The following RGS7 variants were observed in gnomAD, a reference collection of about 807,000 sequenced individuals.
RGS7 encodes regulator of G protein signaling 7.
A neutral mutation model predicts 81.1 loss-of-function variants in RGS7; 27 were observed. That is an observed-to-expected ratio of 0.33 (90% CI 0.25 to 0.46). The LOEUF is 0.46. Ranked by LOEUF, RGS7 falls within the 20% of genes least tolerant of loss-of-function variation. The pLI is 1.00. For synonymous variants in RGS7, 208 were observed against 207.7 expected, an observed-to-expected ratio of 1.00 and a Z score of -0.01; for missense variants, 396 against 607.4, an observed-to-expected ratio of 0.65 and a Z score of 3.66.
At chr1:240,958,348 G>A (rs1037504324) in intron 4 of RGS7, among the ~76,000 whole-genome samples, 2 of 152,188 alleles carry the variant, frequency 1.3e-5, no homozygotes, top group African/African-American at 4.8e-5. Context: ...TTGTTCTTTA[G>A]GAGATCATTC....
intron 10 of RGS7, 48 bp from the exon 11 acceptor site, chr1:240,816,463 A>T: frequency 8.3e-7 from 1 of 1,209,024 alleles, no homozygotes; most frequent in Non-Finnish European, 1.2e-6. Flanking sequence ...TACCGTTTAC[A>T]GTCACAGACT....
chr1:240,940,307 A>C (rs1034817796), intron 4 of RGS7, among the ~76,000 whole-genome samples: 2 of 152,150 alleles, frequency 1.3e-5, no homozygotes, highest in African/African-American at 4.8e-5. Flanking sequence ...ACTCTTGTGA[A>C]GATCCCCATG....
At chr1:241,191,322 GTATT>G (rs1423833471) in intron 2 of RGS7, among the ~76,000 whole-genome samples, 12 of 152,116 alleles carry the variant, frequency 7.9e-5, no homozygotes, top group Admixed American at 7.2e-4. Context: ...TCATAAATGA[GTATT>G]TAATTTTTTT....
chr1:241,239,498 CT>C (rs1360596510), intron 2 of RGS7, among the ~76,000 whole-genome samples: 1 of 152,156 alleles, frequency 6.6e-6, no homozygotes, highest in East Asian at 1.9e-4. Context: ...AAAGTCCAAA[CT>C]TTTTAGCCGT....
At chr1:241,252,453 G>A (rs1638818329) in intron 2 of RGS7, among the ~76,000 whole-genome samples, 2 of 152,310 alleles carry the variant, frequency 1.3e-5, no homozygotes, top group South Asian at 4.1e-4. Flanking sequence ...TTGCCCCTGA[G>A]CTGACACCCT....
At chr1:241,181,176 C>T (rs2071584363) in intron 2 of RGS7, among the ~76,000 whole-genome samples, 1 of 152,104 alleles carries the variant, frequency 6.6e-6, no homozygotes, top group African/African-American at 2.4e-5. Flanking sequence ...TGTACAACAC[C>T]AAGAGGGAAC....
intron 2 of RGS7, among the ~76,000 whole-genome samples, chr1:241,181,376 A>C (rs2071604842): frequency 6.6e-6 from 1 of 152,220 alleles, no homozygotes; most frequent in Admixed American, 6.5e-5. Flanking sequence ...TGCTCTAAAA[A>C]ATAAAATACA....
intron 3 of RGS7, among the ~76,000 whole-genome samples, chr1:241,047,032 GT>G (rs1212749137): frequency 9.9e-5 from 15 of 152,118 alleles, no homozygotes. Flanking sequence ...TGAACCCCAA[GT>G]CTGAGAGATC....
At chr1:240,822,922 C>T in intron 10 of RGS7, 1 of 431,402 alleles carries the variant, frequency 2.3e-6, no homozygotes, top group Non-Finnish European at 4.3e-6. Flanking sequence ...GTAATAAACA[C>T]CGAAATACTA....
intron 9 of RGS7, among the ~76,000 whole-genome samples, chr1:240,830,157 A>G (rs1417010825): frequency 6.6e-6 from 1 of 152,200 alleles, no homozygotes; most frequent in Non-Finnish European, 1.5e-5. Context: ...AGCAAGAAAG[A>G]TGAGCTTAAG....
At chr1:241,229,057 A>C (rs2075491081) in intron 2 of RGS7, among the ~76,000 whole-genome samples, 1 of 109,306 alleles carries the variant, frequency 9.1e-6, no homozygotes, top group Admixed American at 9.4e-5. Context: ...CAAAATAAAA[A>C]ATTAAAAAAA....
At chr1:241,292,604 A>G (rs118033175) in intron 2 of RGS7, among the ~76,000 whole-genome samples, 1 of 152,350 alleles carries the variant, frequency 6.6e-6, no homozygotes, top group East Asian at 1.9e-4. Flanking sequence ...AGAAGAGTAC[A>G]GAACACAGAG....
rs142710990 is a variant in RGS7, at chr1:240,811,992, C to T, written c.1008G>A (p.Glu336=). 8 of 1,613,958 alleles carry T rather than the reference C, an allele frequency of 5.0e-6. No individual in the cohort carries two copies. The highest frequency in any genetic ancestry group is 1.7e-5 in the Admixed American group (1 of 59,994). Residue 336 remains glutamate (E), a synonymous_variant, in exon 14 of 19, where the codon GAG becomes GAA. Coordinates refer to ENST00000440928, the MANE Select transcript of RGS7 (RefSeq NM_001364886.1). ...CTCTCCCAACTGGGTCTTTCAATGC[C>T]TCGTCCATGCCAAAACCCCATCGTT... is the stretch of plus-strand genomic sequence containing the variant. ...RVKRWGFGMD[E]ALKDPVGREQ...
intron 2 of RGS7, among the ~76,000 whole-genome samples, chr1:241,174,899 T>G (rs1021489956): frequency 3.2e-5 from 3 of 93,990 alleles, no homozygotes; most frequent in East Asian, 5.6e-4. Context: ...AATTTTGTTT[T>G]TTTTTTTTTT....
At chr1:241,071,654 C>T (rs1410369495) in intron 3 of RGS7, among the ~76,000 whole-genome samples, 3 of 150,750 alleles carry the variant, frequency 2.0e-5, no homozygotes, top group Non-Finnish European at 4.4e-5. Context: ...GTAGAATCTT[C>T]GTTAAGCCTT....
intron 3 of RGS7, among the ~76,000 whole-genome samples, chr1:241,064,927 C>CA (rs200584709): frequency 1.3e-5 from 2 of 149,450 alleles, no homozygotes; most frequent in South Asian, 2.1e-4. Flanking sequence ...ATGACGTCTT[C>CA]AAAAAAAAAG....
At chr1:241,319,136 A>G (rs184298628) in intron 2 of RGS7, among the ~76,000 whole-genome samples, 12 of 152,318 alleles carry the variant, frequency 7.9e-5, no homozygotes, top group African/African-American at 2.2e-4. Flanking sequence ...ACACTGTAGT[A>G]TGGTTGCCTC....
intron 3 of RGS7, among the ~76,000 whole-genome samples, chr1:241,043,598 TTATAA>T (rs1334246738): frequency 2.0e-5 from 3 of 146,920 alleles, no homozygotes; most frequent in East Asian, 3.9e-4. Context: ...ATTTTATATA[TTATAA>T]TATTATATAG....
intron 2 of RGS7, among the ~76,000 whole-genome samples, chr1:241,234,842 G>C (rs1281666508): frequency 6.6e-6 from 1 of 151,282 alleles, no homozygotes; most frequent in Non-Finnish European, 1.5e-5. Context: ...TACTGCAAAA[G>C]GATAGCAAAA....
Sources: gnomAD v4.1 joint callset for allele counts (sites outside exome capture counted in the v4.1 genomes callset) on GRCh38, gnomAD v4.1.1 for gene constraint, MANE v1.5 for transcripts, NCBI Gene and HGNC (gene_info 2026-07-23, HGNC 2026-07-21) for gene names.